The following SHISAL2B variants were observed in gnomAD, a reference collection of about 807,000 sequenced individuals.
SHISAL2B encodes protein shisa-like-2B.
In SHISAL2B, 12 loss-of-function variants were observed where a neutral mutation model predicts 16.5. The ratio of observed to expected loss-of-function variants is 0.73; its 90% CI spans 0.47 to 1.18. The LOEUF is 1.18. SHISAL2B is among the 50% of genes most tolerant of loss of function. The probability of loss-of-function intolerance (pLI) is 0.00; values close to 1 mark genes in which losing one functional copy is unlikely to be tolerated. For synonymous variants in SHISAL2B, 72 were observed against 75.0 expected (o/e 0.96, Z 0.21); for missense variants, 183 against 193.6 (o/e 0.95, Z 0.33).
rs148924943 is a variant in SHISAL2B, at chr5:64,702,853, T to C, written c.349+7189T>C. ...CCGTTTTTCTCTTGACAATTTAAAA[T>C]GTCACTAGTCATAAACTAAATTCTT... is the stretch of plus-strand genomic sequence containing the variant. On this transcript the variant is annotated intron_variant, in intron 2 of 2. Transcript: ENST00000389074. 9.2e-5 allele frequency among the ~76,000 whole-genome samples: 14 copies of C among 152,336 alleles called. No individual in the cohort carries two copies. The East Asian group carries it at 2.7e-3, about 29-fold the overall frequency.
At chr5:64,698,185 T>TA (rs1741765079) in intron 2 of SHISAL2B, among the ~76,000 whole-genome samples, 1 of 152,218 alleles carries the variant, frequency 6.6e-6, no homozygotes, top group Admixed American at 6.5e-5. Flanking sequence ...GAGAGCTTGT[T>TA]AAAAACACAA....
intron 2 of SHISAL2B, among the ~76,000 whole-genome samples, chr5:64,709,859 G>C (rs1287374505): frequency 3.3e-5 from 5 of 152,054 alleles, no homozygotes; most frequent in Non-Finnish European, 7.4e-5. Context: ...GTCTGTTCAT[G>C]TCCTTCGCCC....
At chr5:64,701,243 C>T (rs1741806160) in intron 2 of SHISAL2B, among the ~76,000 whole-genome samples, 1 of 152,086 alleles carries the variant, frequency 6.6e-6, no homozygotes, top group Admixed American at 6.6e-5. Context: ...AGATGCAGAA[C>T]CCATGGATAT....
chr5:64,701,391 A>G (rs1208608148), intron 2 of SHISAL2B, among the ~76,000 whole-genome samples: 1 of 152,236 alleles, frequency 6.6e-6, no homozygotes, highest in African/African-American at 2.4e-5. Flanking sequence ...AGAATTTTCA[A>G]TTTGACTGCA....
At position 64,717,929 on chromosome 5, in the gene SHISAL2B, A is replaced by T. The variant is rs1471565822; in HGVS notation, c.390A>T (p.Ala130=). 2.0e-6 allele frequency: 3 copies of T among 1,520,934 alleles called. No individual in the cohort carries two copies. The Admixed American group carries it at 6.6e-5, about 34-fold the overall frequency. 94.2% of individuals were successfully genotyped at this position (1,520,934 alleles called of 1,614,324 possible). A position where few individuals can be genotyped will look rare whatever the true frequency, so the allele number is the denominator to read the frequency against. ...AAACCAAAGCCCTCAATTCAAATGC[A>T]GCATCAAATGCAACAAATGAAACAT... The part of the protein sequence containing the change: ...NGKTKALNSN[A]ASNATNETYY... The change falls in exon 3 of 3, where the codon GCA becomes GCT. Residue 130 remains alanine, a synonymous_variant. Transcript: ENST00000389074.
Position 64,690,821 on chromosome 5 carries a change from T to C in SHISAL2B, c.191+7T>C, listed in dbSNP as rs753787169. The C allele has an allele frequency of 3.1e-5, 46 of 1,497,520 alleles. No homozygotes were observed. The South Asian group carries it at 5.2e-4, about 17-fold the overall frequency. The allele number at this position is 1,497,520 out of a possible 1,614,324, so 92.8% of individuals were successfully genotyped here. A position where few individuals can be genotyped will look rare whatever the true frequency, so the allele number is the denominator to read the frequency against. Reference sequence around the variant, plus strand: ...GCTACATGTGGAGCCTCAGGTGGGCTGAGAGCCCGCGCGTGCGGCGGCTGG... The same window carrying C: ...GCTACATGTGGAGCCTCAGGTGGGCCGAGAGCCCGCGCGTGCGGCGGCTGG... On this transcript the variant is annotated splice_region_variant and intron_variant, in intron 1 of 2. Coordinates refer to ENST00000389074, the MANE Select transcript of SHISAL2B (RefSeq NM_001164442.2).
At chr5:64,711,434 G>A (rs1200110638) in intron 2 of SHISAL2B, among the ~76,000 whole-genome samples, 2 of 147,542 alleles carry the variant, frequency 1.4e-5, no homozygotes, top group Non-Finnish European at 3.0e-5. Flanking sequence ...GCTGGATTCG[G>A]TTTGCCAGTA....
At chr5:64,714,523 G>T (rs567156705) in intron 2 of SHISAL2B, among the ~76,000 whole-genome samples, 1 of 151,892 alleles carries the variant, frequency 6.6e-6, no homozygotes, top group Admixed American at 6.5e-5. Context: ...CAGAGGTGGA[G>T]CCTACAGAGG....
rs927680605 is a variant in SHISAL2B, at chr5:64,693,201, G to T, written c.192-2306G>T. Among the ~76,000 whole-genome samples the T allele has an allele frequency of 4.6e-5, 7 of 152,110 alleles. No individual in the cohort carries two copies. In the East Asian group the frequency reaches 1.2e-3, roughly 25 times the overall value. On this transcript the variant is annotated intron_variant, in intron 1 of 2. Transcript: ENST00000389074. ...TTTTTGTATTTTTAGTAGAGACGGGGTTTCACCATGTTAGCCAGGATGGTC... is the reference window on the plus strand; with the variant it reads ...TTTTTGTATTTTTAGTAGAGACGGGTTTTCACCATGTTAGCCAGGATGGTC...
At position 64,690,786 on chromosome 5, in the gene SHISAL2B, T is replaced by A; in HGVS notation, c.163T>A (p.Tyr55Asn). Residue 55 changes from tyrosine (Y) to asparagine (N), a missense_variant, in exon 1 of 3, where the codon TAC (tyrosine) becomes AAC (asparagine). Coordinates refer to ENST00000389074, the MANE Select transcript of SHISAL2B (RefSeq NM_001164442.2). ...CAGCGAGCCGGGCAGCTACTTCCCC[T>A]ACAAGCACAGCTACATGTGGAGCCT... ...CCSEPGSYFP[Y>N]KHSYMWSLSI... is the part of the protein sequence containing the mutation. 6.5e-7 allele frequency: 1 copy of A among 1,544,470 alleles called. No individual in the cohort carries two copies. Among genetic ancestry groups the A allele is most frequent in the East Asian group, 2.4e-5 (1 of 41,018 alleles).
At chr5:64,706,685 A>G (rs1332741189) in intron 2 of SHISAL2B, among the ~76,000 whole-genome samples, 1 of 152,194 alleles carries the variant, frequency 6.6e-6, no homozygotes, top group East Asian at 1.9e-4. Context: ...AAGAGAAAAT[A>G]GGGGGAGGAA....
intron 1 of SHISAL2B, among the ~76,000 whole-genome samples, chr5:64,695,305 C>T (rs1355854473): frequency 1.3e-5 from 2 of 150,880 alleles, no homozygotes; most frequent in Non-Finnish European, 2.9e-5. Flanking sequence ...AAAAGGGCCT[C>T]GAAAATCCTG....
intron 2 of SHISAL2B, among the ~76,000 whole-genome samples, chr5:64,702,277 C>T (rs190273852): frequency 2.6e-5 from 4 of 151,898 alleles, no homozygotes; most frequent in East Asian, 1.9e-4. Context: ...CTTGGTTCAC[C>T]GCAACCTCCG....
intron 1 of SHISAL2B, chr5:64,694,092 A>G (rs1377829605): frequency 6.6e-6 from 3 of 455,756 alleles, no homozygotes; most frequent in African/African-American, 2.0e-5. Context: ...TACAGGTCAA[A>G]CTTGTCAGTG....
At chr5:64,691,801 C>G (rs1049634732) in intron 1 of SHISAL2B, among the ~76,000 whole-genome samples, 5 of 152,128 alleles carry the variant, frequency 3.3e-5, no homozygotes, top group African/African-American at 9.7e-5. Context: ...GAGCTCCCAC[C>G]TTAAATTGTT....
At chr5:64,696,748 C>G (rs930564681) in intron 2 of SHISAL2B, among the ~76,000 whole-genome samples, 1 of 152,160 alleles carries the variant, frequency 6.6e-6, no homozygotes, top group Non-Finnish European at 1.5e-5. Flanking sequence ...GCTCTCGAAC[C>G]CTGTTTTCTG....
chr5:64,711,975 CT>C, intron 2 of SHISAL2B, among the ~76,000 whole-genome samples: 1 of 45,694 alleles, frequency 2.2e-5, no homozygotes, highest in African/African-American at 9.1e-5. Flanking sequence ...TTTGTTGATC[CT>C]TTCAAAAAAC....
intron 2 of SHISAL2B, among the ~76,000 whole-genome samples, chr5:64,713,888 C>T (rs1741996282): frequency 1.0e-5 from 1 of 98,664 alleles, no homozygotes; most frequent in African/African-American, 6.0e-5. Context: ...TTTTCAGCTC[C>T]ATCAGCTCCT....
intron 1 of SHISAL2B, chr5:64,691,610 T>A (rs543742154): frequency 6.6e-6 from 1 of 152,244 alleles, no homozygotes; most frequent in Admixed American, 6.5e-5. Flanking sequence ...CTTTCTAAGG[T>A]GAGGTCTTTC....
Sources: gnomAD v4.1 joint callset for allele counts (sites outside exome capture counted in the v4.1 genomes callset) on GRCh38, gnomAD v4.1.1 for gene constraint, MANE v1.5 for transcripts, NCBI Gene and HGNC (gene_info 2026-07-23, HGNC 2026-07-21) for gene names.